The following EPS8L3 variants were observed in gnomAD, a reference collection of about 807,000 sequenced individuals.
EPS8L3 encodes epidermal growth factor receptor kinase substrate 8-like protein 3.
EPS8L3 carries 80 observed loss-of-function variants against 88.5 expected under a neutral mutation model. The ratio of observed to expected loss-of-function variants is 0.90; its 90% confidence interval spans 0.75 to 1.09. EPS8L3 has a LOEUF of 1.09. Ranked by LOEUF, EPS8L3 falls within the 50% of genes least tolerant of loss-of-function variation. EPS8L3 has a pLI of 0.00. For synonymous variants in EPS8L3, 286 were observed against 291.0 expected (o/e 0.98, Z 0.18); for missense variants, 721 against 735.2 (o/e 0.98, Z 0.22).
In EPS8L3 at chr1:109,755,653, A is replaced by C. The variant is rs532498002; in HGVS notation, c.1118+1364T>G. On this transcript the variant is annotated intron_variant, in intron 12 of 18. Transcript: ENST00000361965. ...AACCCCATCTCTACAAAAAAAATACAAAAAATAGCCAGACATGGTGGTGGC... is the reference window on the plus strand; with the variant it reads ...AACCCCATCTCTACAAAAAAAATACCAAAAATAGCCAGACATGGTGGTGGC... Among the ~76,000 whole-genome samples the C allele has an allele frequency of 6.2e-3, 951 of 152,234 alleles. 8 individuals carry two copies. The highest frequency in any genetic ancestry group is 0.011 in the Non-Finnish European group (720 of 68,020).
chr1:109,761,540 G>C lies in EPS8L3; in HGVS notation c.51C>G (p.Ser17=), dbSNP rs538537975. The change falls in exon 3 of 19, where the codon TCC becomes TCG. Residue 17 remains serine (S), a synonymous_variant. Transcript: ENST00000361965. ...GGGTGGGCTCTGAGGTGAGGTTCTG[G>C]GAGTACTCCTTCCGGTGCACTACAA... The part of the protein sequence containing the change: ...RAIYLHRKEY[S]QNLTSEPTLL... 3.1e-6 allele frequency: 5 copies of C among 1,613,668 alleles called. No homozygotes were observed. In the East Asian group the frequency reaches 1.1e-4, roughly 36 times the overall value.
At chr1:109,758,842 C>T (rs971223952) in intron 6 of EPS8L3, among the ~76,000 whole-genome samples, 179 bp from the exon 7 acceptor site, 1 of 152,178 alleles carries the variant, frequency 6.6e-6, no homozygotes, top group South Asian at 2.1e-4. Context: ...TGCCTACCCT[C>T]TGGGCCCTCT....
At chr1:109,761,208 C>G in intron 3 of EPS8L3, 1 of 385,532 alleles carries the variant, frequency 2.6e-6, no homozygotes, top group Non-Finnish European at 4.8e-6. Context: ...GTAGGTGCTT[C>G]TTATCCCATC....
Position 109,763,851 on chromosome 1 carries a change from TC to T in EPS8L3, c.-55del, listed in dbSNP as rs1651270028. ...GTGCCAGTGAAGGCCGGGTGCCTGGTCCCCCCAGGAGGCTGGTCTTGGAGCA... is the reference window on the plus strand; with the variant it reads ...GTGCCAGTGAAGGCCGGGTGCCTGGTCCCCCAGGAGGCTGGTCTTGGAGCA... On this transcript the variant is annotated 5_prime_UTR_variant, in exon 1 of 19. Coordinates refer to ENST00000361965, the MANE Select transcript of EPS8L3 (RefSeq NM_133181.4). 6.5e-6 allele frequency: 1 copy of T among 152,888 alleles called. No individual in the cohort carries two copies. The highest frequency in any genetic ancestry group is 1.9e-4 in the East Asian group (1 of 5,168). The allele number at this position is 152,888 out of a possible 1,614,324, so 9.5% of individuals were successfully genotyped here. A position where few individuals can be genotyped will look rare whatever the true frequency, so the allele number is the denominator to read the frequency against.
In EPS8L3 at chr1:109,752,123, G is replaced by C; in HGVS notation, c.1306C>G (p.Pro436Ala). Reference protein sequence around the residue: ...QEKTHNHDPQPGDPNSRPSSP... With the variant: ...QEKTHNHDPQAGDPNSRPSSP... Reference sequence around the variant, plus strand: ...GAGGGCCTGGAGTTGGGGTCCCCAGGCTGAGGGTCATGGTTGTGTGTCTTC... The same window carrying C: ...GAGGGCCTGGAGTTGGGGTCCCCAGCCTGAGGGTCATGGTTGTGTGTCTTC... Residue 436 changes from proline (P) to alanine (A), a missense_variant, in exon 15 of 19, where the codon CCT becomes GCT. By Grantham distance (27) the Pro-to-Ala change is conservative. Transcript: ENST00000361965. 13 of 1,614,146 alleles carry C rather than the reference G, an allele frequency of 8.1e-6. No individual in the cohort carries two copies. The highest frequency in any genetic ancestry group is 1.0e-5 in the Non-Finnish European group (12 of 1,180,012).
chr1:109,751,782 C>A lies in EPS8L3; in HGVS notation c.1435G>T (p.Val479Phe). 6.2e-7 allele frequency: 1 copy of A among 1,613,382 alleles called. No homozygotes were observed. The highest frequency in any genetic ancestry group is 8.5e-7 in the Non-Finnish European group (1 of 1,179,988). The change falls in exon 16 of 19, where the codon GTT becomes TTT. Residue 479 changes from valine to phenylalanine, a missense_variant and splice_region_variant. By Grantham distance (50) the Val-to-Phe change is conservative (BLOSUM62 -1). Transcript: ENST00000361965. ...CACCACCGCTTGCTGTGGTCCAGAA[C>A]CTGCCAAGAGTCACCACCTCAGTCC... The part of the protein sequence containing the change: ...LTVVQGEKLE[V>F]LDHSKRWWLV...
intron 3 of EPS8L3, chr1:109,761,117 G>A (rs1342794560): frequency 9.7e-6 from 2 of 207,018 alleles, no homozygotes; most frequent in Non-Finnish European, 2.0e-5. Flanking sequence ...GCCATGCAAG[G>A]TCTTGGGCAA....
At chr1:109,751,625 G>C (rs1649798795) in intron 16 of EPS8L3, 29 bp downstream of exon 16, 2 of 1,613,566 alleles carry the variant, frequency 1.2e-6, no homozygotes, top group African/African-American at 2.7e-5. Flanking sequence ...CAAGACTTAG[G>C]GCTCTGGATA....
At chr1:109,758,227 C>A in intron 8 of EPS8L3, 89 bp downstream of exon 8, 1 of 1,391,818 alleles carries the variant, frequency 7.2e-7, no homozygotes, top group South Asian at 1.2e-5. Context: ...TCCTGGGACC[C>A]TGGCCTCCTA....
At chr1:109,762,779 CAAATGAA>C (rs1347966564) in intron 1 of EPS8L3, among the ~76,000 whole-genome samples, 1 of 152,230 alleles carries the variant, frequency 6.6e-6, no homozygotes, top group African/African-American at 2.4e-5. Flanking sequence ...CCTGAGGTCA[CAAATGAA>C]CGTTTAATAG....
At position 109,759,132 on chromosome 1, in the gene EPS8L3, T is replaced by G. The variant is rs1420256336; in HGVS notation, c.406-15A>C. 5 of 1,606,892 alleles carry G rather than the reference T, an allele frequency of 3.1e-6. 1 individual carries two copies. The highest frequency in any genetic ancestry group is 4.2e-6 in the Non-Finnish European group (5 of 1,178,644). On this transcript the variant is annotated splice_polypyrimidine_tract_variant and intron_variant, in intron 5 of 18. Coordinates refer to ENST00000361965, the MANE Select transcript of EPS8L3 (RefSeq NM_133181.4). This position sits in a 1 kb window ranked among gnomAD's most constrained non-coding sequence, Gnocchi z 4.2. ...AGTCGCTCTGCCTGGGAAGCAGCAG[T>G]CAGGCAGGCTAAGTGTGTGTGTGTG...
At chr1:109,761,124 G>T (rs976072007) in intron 3 of EPS8L3, 10 of 212,516 alleles carry the variant, frequency 4.7e-5, no homozygotes, top group Admixed American at 2.0e-4. Flanking sequence ...AAGGTCTTGG[G>T]CAATGGAGCA....
chr1:109,760,519 G>A lies in EPS8L3; in HGVS notation c.97-683C>T, dbSNP rs900931606. ...CTTTGACCCCACCCCCCTGCCCAGG[G>A]CCCAGCTCTTCTCCCTGTGTTCGCA... On this transcript the variant is annotated intron_variant, in intron 3 of 18. Transcript: ENST00000361965. Among the ~76,000 whole-genome samples, 5 of 151,908 alleles carry A rather than the reference G, an allele frequency of 3.3e-5. No homozygotes were observed. In the East Asian group the frequency reaches 9.7e-4, roughly 29 times the overall value.
intron 1 of EPS8L3, among the ~76,000 whole-genome samples, chr1:109,763,021 A>G (rs1322051238): frequency 1.3e-5 from 2 of 152,220 alleles, no homozygotes; most frequent in East Asian, 3.8e-4. Flanking sequence ...CCACATGTCT[A>G]CATGGTACAC....
chr1:109,758,936 C>G, intron 6 of EPS8L3, 126 bp downstream of exon 6: 1 of 1,055,386 alleles, frequency 9.5e-7, no homozygotes, highest in Admixed American at 2.2e-5. Context: ...GTCCTGGCTC[C>G]TCCTCAGTCC....
rs1324808346 is a variant in EPS8L3, at chr1:109,752,078, G to A, written c.1351C>T (p.Pro451Ser). Residue 451 changes from proline to serine, a missense_variant, in exon 15 of 19, where the codon CCA (proline) becomes TCA (serine). By Grantham distance (74) the Pro-to-Ser change is moderately conservative. Transcript: ENST00000361965. Reference protein sequence around the residue: ...SRPSSPKPAQPALKMQVLYEF... With the variant: ...SRPSSPKPAQSALKMQVLYEF... ...TACAAGACTTGCATTTTCAGGGCTG[G>A]CTGGGCAGGTTTGGGGCTGGAGGGC... The A allele has an allele frequency of 8.7e-6, 14 of 1,614,032 alleles. No homozygotes were observed. Among genetic ancestry groups the A allele is most frequent in the Non-Finnish European group, 1.1e-5 (13 of 1,180,032 alleles).
intron 1 of EPS8L3, among the ~76,000 whole-genome samples, chr1:109,762,710 G>T (rs891954329): frequency 1.3e-5 from 2 of 152,160 alleles, no homozygotes; most frequent in African/African-American, 4.8e-5. Flanking sequence ...CACAAGGCAG[G>T]TACTGGTATT....
At chr1:109,757,359 A>C in intron 11 of EPS8L3, 122 bp downstream of exon 11, 1 of 1,157,956 alleles carries the variant, frequency 8.6e-7, no homozygotes, top group Non-Finnish European at 1.2e-6. Context: ...CTCTGACCCC[A>C]GCTCATCTGG....
chr1:109,757,671 G>C, intron 10 of EPS8L3, 116 bp from the exon 11 acceptor site: 2 of 1,385,026 alleles, frequency 1.4e-6, no homozygotes, highest in Non-Finnish European at 2.0e-6. Flanking sequence ...AGTCCCAAGA[G>C]GGGAGGGGAG....
Sources: allele counts gnomAD v4.1 joint callset (sites outside exome capture counted in the v4.1 genomes callset), GRCh38; gene constraint gnomAD v4.1.1; non-coding constraint Gnocchi (gnomAD v3.1); transcripts MANE v1.5; gene names NCBI Gene and HGNC (gene_info 2026-07-23, HGNC 2026-07-21).